Variants in CTNND2 observed in about 807,000 individuals in gnomAD.
CTNND2 encodes the protein catenin delta 2.
Under a neutral mutation model 144.4 loss-of-function variants are expected in CTNND2, and 22 were observed. The ratio of observed to expected loss-of-function variants is 0.15; its 90% CI spans 0.11 to 0.22. CTNND2 has a LOEUF of 0.22. Ranked by LOEUF, CTNND2 falls within the 10% of genes least tolerant of loss-of-function variation. The pLI is 1.00. For synonymous variants in CTNND2, 751 were observed against 695.6 expected (o/e 1.08, Z -1.25); for missense variants, 1,353 against 1,618.8 (o/e 0.84, Z 2.82).
intron 9 of CTNND2, among the ~76,000 whole-genome samples, chr5:11,250,734 C>T (rs889506043): frequency 6.6e-6 from 1 of 151,792 alleles, no homozygotes; most frequent in Non-Finnish European, 1.5e-5. Flanking sequence ...TCAGGCTGGT[C>T]TCCAACTCCA....
chr5:11,283,055 TCTC>T (rs901755568), intron 9 of CTNND2, among the ~76,000 whole-genome samples: 1 of 152,146 alleles, frequency 6.6e-6, no homozygotes, highest in African/African-American at 2.4e-5. Flanking sequence ...CTTACAAAAT[TCTC>T]CTAAAATGCT....
chr5:11,480,969 A>T (rs1267485677), intron 3 of CTNND2, among the ~76,000 whole-genome samples: 4 of 152,150 alleles, frequency 2.6e-5, no homozygotes, highest in African/African-American at 9.7e-5. Context: ...TCCTATATAC[A>T]CTCATCGAAG....
At chr5:11,343,043 T>C (rs1278498917) in intron 9 of CTNND2, among the ~76,000 whole-genome samples, 2 of 152,210 alleles carry the variant, frequency 1.3e-5, no homozygotes, top group Non-Finnish European at 2.9e-5. Flanking sequence ...CTGCTGGCTT[T>C]ACAAAGAAAA....
At chr5:11,649,613 C>CA (rs1782544167) in intron 2 of CTNND2, among the ~76,000 whole-genome samples, 4 of 152,242 alleles carry the variant, frequency 2.6e-5, no homozygotes, top group Non-Finnish European at 4.4e-5. Context: ...CTGCACCTGG[C>CA]CATAAAGAAA....
At chr5:11,894,401 G>A (rs1254649270) in intron 1 of CTNND2, among the ~76,000 whole-genome samples, 1 of 152,182 alleles carries the variant, frequency 6.6e-6, no homozygotes, top group Non-Finnish European at 1.5e-5. Flanking sequence ...TCTACGGATG[G>A]ATAAAGGAGA....
intron 9 of CTNND2, among the ~76,000 whole-genome samples, chr5:11,317,228 G>A (rs969122756): frequency 5.9e-5 from 9 of 152,020 alleles, no homozygotes; most frequent in African/African-American, 2.2e-4. Context: ...CCGAGCCCAG[G>A]GTCACACAGC....
At chr5:11,028,107 AT>A (rs1743054538) in intron 16 of CTNND2, among the ~76,000 whole-genome samples, 1 of 152,134 alleles carries the variant, frequency 6.6e-6, no homozygotes, top group Non-Finnish European at 1.5e-5. Flanking sequence ...CTTACTATAG[AT>A]CTCTTCTGAT....
intron 2 of CTNND2, among the ~76,000 whole-genome samples, chr5:11,632,848 T>C (rs553448295): frequency 3.3e-5 from 5 of 152,102 alleles, no homozygotes; most frequent in African/African-American, 4.8e-5. Context: ...AGAAGTACAA[T>C]AGCTGAGATG....
chr5:11,103,259 G>A (rs1752096330), intron 14 of CTNND2, among the ~76,000 whole-genome samples: 1 of 152,138 alleles, frequency 6.6e-6, no homozygotes, highest in South Asian at 2.1e-4. Flanking sequence ...TGGGATTACA[G>A]GCATGAGCCA....
intron 9 of CTNND2, among the ~76,000 whole-genome samples, chr5:11,343,941 A>C (rs966343647): frequency 6.6e-6 from 1 of 152,252 alleles, no homozygotes; most frequent in African/African-American, 2.4e-5. Context: ...AATAAGCCAT[A>C]ACGCCAAAAT....
rs190825239 is a variant in CTNND2 at position 11,262,822 on chromosome 5, G to A, written c.1629-25999C>T. ...GAAAGAAACGAAATTTGTTGAAATTGTGTTCTTTGCCACACATTTTCCATT... is the reference window on the plus strand; with the variant it reads ...GAAAGAAACGAAATTTGTTGAAATTATGTTCTTTGCCACACATTTTCCATT... On this transcript the variant is annotated intron_variant, in intron 9 of 21. Coordinates refer to ENST00000304623, the MANE Select transcript of CTNND2 (RefSeq NM_001332.4). 1.8e-3 allele frequency among the ~76,000 whole-genome samples: 247 copies of A among 137,190 alleles called. 1 individual carries two copies. Among genetic ancestry groups the A allele is most frequent in the Non-Finnish European group, 3.0e-3 (192 of 63,694 alleles). The allele number at this position is 137,190 out of a possible 152,430, so 90.0% of individuals were successfully genotyped here.
At chr5:11,185,143 C>T (rs1735498582) in intron 11 of CTNND2, among the ~76,000 whole-genome samples, 1 of 152,210 alleles carries the variant, frequency 6.6e-6, no homozygotes, top group Admixed American at 6.5e-5. Context: ...GCACGCCAAA[C>T]CCATATGCAT....
chr5:11,250,491 C>CTATATATATATATATATATATATA (rs1285130441), intron 9 of CTNND2, among the ~76,000 whole-genome samples: 2 of 64,100 alleles, frequency 3.1e-5, no homozygotes, highest in Non-Finnish European at 5.0e-5. Flanking sequence ...CTCTCTCTCT[C>CTATATATATATATATATATATATA]TATATATATA....
chr5:11,042,154 G>A (rs1338122235), intron 16 of CTNND2, among the ~76,000 whole-genome samples: 2 of 152,154 alleles, frequency 1.3e-5, no homozygotes, highest in East Asian at 3.9e-4. Flanking sequence ...TACTGTTCTT[G>A]TTCCTTTGAT....
chr5:11,199,368 G>T (rs1737194757), intron 11 of CTNND2, 80 bp downstream of exon 11: 3 of 1,243,358 alleles, frequency 2.4e-6, no homozygotes, highest in Non-Finnish European at 3.5e-6. Flanking sequence ...ATATTTATTT[G>T]ATTAGTACAT....
chr5:11,820,899 G>A (rs899720352), intron 1 of CTNND2, among the ~76,000 whole-genome samples: 12 of 152,238 alleles, frequency 7.9e-5, no homozygotes, highest in Admixed American at 5.2e-4. Context: ...GGATTATCCC[G>A]GTAACAGAAA....
chr5:11,466,325 G>T (rs1337959405), intron 3 of CTNND2, among the ~76,000 whole-genome samples: 1 of 152,268 alleles, frequency 6.6e-6, no homozygotes, highest in African/African-American at 2.4e-5. Flanking sequence ...TCACCTAAAA[G>T]GTAGCTCATT....
rs61751668 is a variant in CTNND2 at position 11,021,345 on chromosome 5, C to T, written c.2999+1424G>A. Among the ~76,000 whole-genome samples, 650 of 152,156 alleles carry T rather than the reference C, an allele frequency of 4.3e-3. 7 individuals carry two copies. Among genetic ancestry groups the T allele is most frequent in the African/African-American group, 0.013 (535 of 41,512 alleles). ...ATATATCAGATTGTTTTGCAGACTA[C>T]GGTTTTATTGTGTGTGTGGGTGTGT... On this transcript the variant is annotated intron_variant, in intron 17 of 21. Transcript: ENST00000304623.
intron 7 of CTNND2, among the ~76,000 whole-genome samples, chr5:11,381,442 T>G (rs923978590): frequency 1.3e-5 from 2 of 152,182 alleles, no homozygotes; most frequent in African/African-American, 4.8e-5. Context: ...CCTCAAGTCA[T>G]GTGTTTGCTC....
Sources: gnomAD v4.1 joint callset for allele counts (sites outside exome capture counted in the v4.1 genomes callset) on GRCh38, gnomAD v4.1.1 for gene constraint, MANE v1.5 for transcripts, NCBI Gene and HGNC (gene_info 2026-07-23, HGNC 2026-07-21) for gene names.